ITGAL: variants seen among roughly 807,000 people sequenced by gnomAD.
ITGAL encodes the protein integrin alpha-L.
ITGAL carries 68 observed loss-of-function variants against 138.4 expected under a neutral mutation model. That is an observed-to-expected ratio of 0.49 (90% CI 0.40 to 0.60). The LOEUF is 0.60. ITGAL is among the 20% of genes least tolerant of loss of function. ITGAL has a pLI of 0.00. For synonymous variants in ITGAL, 561 were observed against 584.3 expected (o/e 0.96, Z 0.57); for missense variants, 1,256 against 1,478.6 (o/e 0.85, Z 2.47).
At chr16:30,490,362 G>C (rs2050708573) in intron 11 of ITGAL, among the ~76,000 whole-genome samples, 1 of 151,900 alleles carries the variant, frequency 6.6e-6, no homozygotes, top group Non-Finnish European at 1.5e-5. Context: ...TCAGAGCCAG[G>C]CATCAGTCAA....
At chr16:30,503,091 A>G (rs1249219008) in intron 17 of ITGAL, among the ~76,000 whole-genome samples, 1 of 152,110 alleles carries the variant, frequency 6.6e-6, no homozygotes, top group African/African-American at 2.4e-5. Context: ...CTGGGATTAC[A>G]GGTGTAAGCC....
intron 21 of ITGAL, 38 bp downstream of exon 21, chr16:30,506,894 T>C (rs1416119736): frequency 3.1e-6 from 5 of 1,610,330 alleles, no homozygotes; most frequent in Non-Finnish European, 4.2e-6. Flanking sequence ...GGGCATCTGT[T>C]CGGCAGACAC....
At chr16:30,486,646 C>T (rs191552821) in intron 9 of ITGAL, among the ~76,000 whole-genome samples, 4 of 151,932 alleles carry the variant, frequency 2.6e-5, no homozygotes, top group Non-Finnish European at 5.9e-5. Context: ...GGAAAGGGCT[C>T]GGCATGCCAG....
chr16:30,488,945 G>A (rs1335364835), intron 9 of ITGAL, 137 bp from the exon 10 acceptor site: 5 of 715,584 alleles, frequency 7.0e-6, no homozygotes, highest in Non-Finnish European at 1.0e-5. Flanking sequence ...CCACTTCCTG[G>A]GTCTGCCTGA....
intron 17 of ITGAL, among the ~76,000 whole-genome samples, chr16:30,500,822 TG>T (rs1415655696): frequency 6.6e-6 from 1 of 152,106 alleles, no homozygotes; most frequent in Non-Finnish European, 1.5e-5. Flanking sequence ...CTGGCCAACA[TG>T]GTGAAACCCC....
intron 15 of ITGAL, among the ~76,000 whole-genome samples, chr16:30,498,610 C>A (rs2050838324): frequency 1.3e-5 from 2 of 151,898 alleles, no homozygotes; most frequent in Non-Finnish European, 1.5e-5. Flanking sequence ...TAGTTATCAC[C>A]ATTATTGGCC....
Position 30,519,631 on chromosome 16 carries a change from G to A in ITGAL, c.3229-226G>A, listed in dbSNP as rs1039642406. ...CGGCTTTGAATGCTGAGCTGCGTGC[G>A]ATTCCGGGGAAGCCATTGAAGGCCT... On this transcript the variant is annotated intron_variant, in intron 29 of 30. Coordinates refer to ENST00000356798, the MANE Select transcript of ITGAL (RefSeq NM_002209.3). 6 of 530,128 alleles carry A rather than the reference G, an allele frequency of 1.1e-5. No individual in the cohort carries two copies. The East Asian group carries it at 1.3e-4, about 12-fold the overall frequency. The allele number at this position is 530,128 out of a possible 1,614,324, so 32.8% of individuals were successfully genotyped here.
intron 17 of ITGAL, among the ~76,000 whole-genome samples, chr16:30,502,314 A>G (rs538125794): frequency 7.6e-4 from 106 of 138,638 alleles, no homozygotes; most frequent in African/African-American, 1.7e-3. Context: ...GGAGAATGGC[A>G]TGAACCCGGG....
intron 29 of ITGAL, among the ~76,000 whole-genome samples, chr16:30,519,275 C>T (rs952252646): frequency 6.6e-6 from 1 of 151,714 alleles, no homozygotes; most frequent in Admixed American, 6.6e-5. Flanking sequence ...CTCAGTGCCT[C>T]GGGAGGCTGA....
chr16:30,510,080 C>T (rs2051067268), intron 21 of ITGAL, among the ~76,000 whole-genome samples: 1 of 151,926 alleles, frequency 6.6e-6, no homozygotes, highest in Non-Finnish European at 1.5e-5. Context: ...TGGGGTCTCA[C>T]TCTTGCCCAG....
chr16:30,501,090 C>T (rs1005970059), intron 17 of ITGAL, among the ~76,000 whole-genome samples: 8 of 152,158 alleles, frequency 5.3e-5, no homozygotes, highest in Admixed American at 3.9e-4. Flanking sequence ...AAGTAATCCT[C>T]TTACCTTGGC....
chr16:30,517,777 G>A lies in ITGAL; in HGVS notation c.3034-20G>A. ...GTCGGAATGAAGCCGCCCTGACCCC[G>A]CTTTCCTCATCCTTGTCAGCCTTGT... On this transcript the variant is annotated intron_variant, in intron 27 of 30. Transcript: ENST00000356798. 1 of 1,613,726 alleles carries A rather than the reference G, an allele frequency of 6.2e-7. No homozygotes were observed. Among genetic ancestry groups the A allele is most frequent in the Non-Finnish European group, 8.5e-7 (1 of 1,179,622 alleles).
At chr16:30,508,542 T>C (rs2051040701) in intron 21 of ITGAL, among the ~76,000 whole-genome samples, 1 of 152,160 alleles carries the variant, frequency 6.6e-6, no homozygotes, top group African/African-American at 2.4e-5. Context: ...ACATTAAATG[T>C]TTCTTTGCTG....
intron 20 of ITGAL, among the ~76,000 whole-genome samples, chr16:30,506,491 G>A (rs916492542): frequency 3.6e-5 from 5 of 137,252 alleles, no homozygotes; most frequent in South Asian, 5.0e-4. Flanking sequence ...CCCGGGAGGC[G>A]GAGCTTGCAG....
chr16:30,495,003 T>C (rs1352745716), intron 13 of ITGAL, 153 bp downstream of exon 13: 2 of 762,582 alleles, frequency 2.6e-6, no homozygotes, highest in Non-Finnish European at 4.1e-6. Context: ...GGGGAAAGAC[T>C]GTATGCAGGG....
chr16:30,512,860 C>A (rs2051109517), intron 24 of ITGAL, among the ~76,000 whole-genome samples: 1 of 152,030 alleles, frequency 6.6e-6, no homozygotes, highest in Non-Finnish European at 1.5e-5. Flanking sequence ...GCCACCATGC[C>A]CAGCTAATTT....
At position 30,489,330 on chromosome 16, in the gene ITGAL, A is replaced by G. The variant is rs1333944930; in HGVS notation, c.1157A>G (p.Asp386Gly). 6.2e-7 allele frequency: 1 copy of G among 1,614,052 alleles called. No homozygotes were observed. Residue 386 changes from aspartate to glycine, a missense_variant, in exon 11 of 31, where the codon GAT becomes GGT. Physicochemically the swap from Asp to Gly is moderately conservative, Grantham distance 94. Transcript: ENST00000356798. The part of the protein sequence containing the change: ...GFLDLKADLQ[D>G]DTFIGNEPLT... Reference sequence around the variant, plus strand: ...CTTGACCTGAAGGCAGACCTGCAGGATGACACATTTATTGGGAATGAACCA... The same window carrying G: ...CTTGACCTGAAGGCAGACCTGCAGGGTGACACATTTATTGGGAATGAACCA...
intron 26 of ITGAL, 152 bp from the exon 27 acceptor site, chr16:30,517,497 A>G: frequency 1.5e-6 from 1 of 667,706 alleles, no homozygotes; most frequent in Non-Finnish European, 2.7e-6. Flanking sequence ...GGCTGGGTGT[A>G]TGGAGAGTAA....
At chr16:30,490,083 C>A (rs1425576630) in intron 11 of ITGAL, among the ~76,000 whole-genome samples, 1 of 151,824 alleles carries the variant, frequency 6.6e-6, no homozygotes, top group Non-Finnish European at 1.5e-5. Flanking sequence ...AAAAATTAGT[C>A]GGGCATGATG....
Sources: allele counts gnomAD v4.1 joint callset (sites outside exome capture counted in the v4.1 genomes callset), GRCh38; gene constraint gnomAD v4.1.1; transcripts MANE v1.5; gene names NCBI Gene and HGNC (gene_info 2026-07-23, HGNC 2026-07-21).